Variants in CDK14 observed in about 807,000 individuals in gnomAD.
CDK14 encodes cyclin dependent kinase 14, also known as cyclin-dependent kinase 14.
A neutral mutation model predicts 60.7 loss-of-function variants in CDK14; 34 were observed. The observed-to-expected ratio is 0.56, with a 90% confidence interval of 0.43 to 0.75. The LOEUF is 0.75. Among genes scored for constraint, CDK14 ranks in the 30% least tolerant of loss-of-function variants. The pLI, the probability that CDK14 is intolerant of heterozygous loss-of-function variation, is 0.00. For synonymous variants in CDK14, 197 were observed against 203.7 expected (o/e 0.97, Z 0.28); for missense variants, 482 against 564.1 (o/e 0.85, Z 1.47).
chr7:90,781,259 G>C (rs572529814), intron 4 of CDK14, among the ~76,000 whole-genome samples: 5 of 152,136 alleles, frequency 3.3e-5, no homozygotes, highest in Admixed American at 3.3e-4. Flanking sequence ...TTTTTGATGG[G>C]GTTGTTCGTT....
At chr7:90,759,054 TAAA>T (rs66582106) in intron 4 of CDK14, among the ~76,000 whole-genome samples, 1 of 134,718 alleles carries the variant, frequency 7.4e-6, no homozygotes, top group African/African-American at 2.8e-5. Flanking sequence ...AGACTCTGTC[TAAA>T]AAAAAAAAAA....
intron 5 of CDK14, among the ~76,000 whole-genome samples, chr7:90,795,447 T>G (rs1788383081): frequency 1.3e-5 from 2 of 150,596 alleles, no homozygotes; most frequent in South Asian, 4.1e-4. Flanking sequence ...TTGTATTAGT[T>G]ACATATAGAT....
chr7:90,790,626 G>A lies in CDK14; in HGVS notation c.518G>A (p.Gly173Glu). 3 of 1,612,264 alleles carry A rather than the reference G, an allele frequency of 1.9e-6. No homozygotes were observed. Among genetic ancestry groups the A allele is most frequent in the Non-Finnish European group, 2.5e-6 (3 of 1,178,838 alleles). The change falls in exon 5 of 15, where the codon GGG becomes GAG. Residue 173 changes from glycine to glutamate, a missense_variant. Transcript: ENST00000380050. ...LKVIRLQEEE[G>E]TPFTAIREAS... ...GTGATCAGGCTGCAGGAAGAAGAAG[G>A]GACACCTTTCACAGCTATCAGGGAA...
intron 3 of CDK14, among the ~76,000 whole-genome samples, chr7:90,736,847 C>A (rs1408369066): frequency 2.0e-5 from 3 of 152,050 alleles, no homozygotes; most frequent in African/African-American, 7.2e-5. Context: ...ACATACAGGC[C>A]ATTATATATT....
chr7:90,742,105 T>C (rs1337215612), intron 3 of CDK14, among the ~76,000 whole-genome samples: 1 of 152,082 alleles, frequency 6.6e-6, no homozygotes, highest in East Asian at 1.9e-4. Flanking sequence ...TTTTGTTTAA[T>C]TAGTTAGTTA....
At chr7:90,704,459 G>GT (rs1347571636) in intron 2 of CDK14, among the ~76,000 whole-genome samples, 2 of 152,150 alleles carry the variant, frequency 1.3e-5, no homozygotes, top group Admixed American at 6.6e-5. Flanking sequence ...ATGTATGTGT[G>GT]TTTATTAGAA....
intron 8 of CDK14, among the ~76,000 whole-genome samples, chr7:90,953,277 A>G (rs1014741729): frequency 3.9e-5 from 6 of 152,114 alleles, no homozygotes; most frequent in Non-Finnish European, 8.8e-5. Flanking sequence ...AACATTCTTC[A>G]CTCTGACACA....
intron 1 of CDK14, among the ~76,000 whole-genome samples, chr7:90,598,175 A>G (rs1177752116): frequency 6.6e-6 from 1 of 152,232 alleles, no homozygotes; most frequent in Non-Finnish European, 1.5e-5. Context: ...AATGCTAATG[A>G]TTCTGCTGGA....
At position 91,100,522 on chromosome 7, in the gene CDK14, CTA is replaced by C. The variant is rs531867306; in HGVS notation, c.1155-12018_1155-12017del. On this transcript the variant is annotated intron_variant, in intron 12 of 14. Transcript: ENST00000380050. The stretch of plus-strand genomic sequence containing the variant: ...ATATAACAAATTCATATATATTAGT[CTA>C]TGAATATTTTATGATAATGTCTGTA... 3.8e-3 allele frequency among the ~76,000 whole-genome samples: 585 copies of C among 152,168 alleles called. 2 individuals carry two copies. The highest frequency in any genetic ancestry group is 5.6e-3 in the Non-Finnish European group (382 of 67,990).
At chr7:90,635,912 C>T (rs1233988513) in intron 2 of CDK14, among the ~76,000 whole-genome samples, 3 of 151,896 alleles carry the variant, frequency 2.0e-5, no homozygotes, top group Non-Finnish European at 4.4e-5. Flanking sequence ...AATGGGAGTT[C>T]ACTCATGATT....
chr7:90,658,970 G>A (rs1331993461), intron 2 of CDK14, among the ~76,000 whole-genome samples: 6 of 152,104 alleles, frequency 3.9e-5, no homozygotes, highest in Non-Finnish European at 8.8e-5. Flanking sequence ...TATAGATTCA[G>A]GATGATAATA....
At chr7:90,731,648 T>C (rs937877127) in intron 3 of CDK14, among the ~76,000 whole-genome samples, 1 of 152,212 alleles carries the variant, frequency 6.6e-6, no homozygotes, top group Non-Finnish European at 1.5e-5. Context: ...GTTTGTCTGT[T>C]ATTGGTGTAT....
intron 6 of CDK14, among the ~76,000 whole-genome samples, chr7:90,886,194 C>G (rs1452790317): frequency 6.6e-6 from 1 of 152,002 alleles, no homozygotes; most frequent in Non-Finnish European, 1.5e-5. Context: ...TGCTTAACAC[C>G]AGCTTTTTTG....
At chr7:91,151,520 C>T (rs1333410716) in intron 14 of CDK14, among the ~76,000 whole-genome samples, 3 of 152,148 alleles carry the variant, frequency 2.0e-5, no homozygotes, top group Non-Finnish European at 4.4e-5. Flanking sequence ...TCATTTAAAA[C>T]CATACCTTTT....
chr7:91,016,772 T>A (rs1796312963), intron 10 of CDK14, among the ~76,000 whole-genome samples: 1 of 152,244 alleles, frequency 6.6e-6, no homozygotes. Flanking sequence ...GAACCTAGAT[T>A]CTATTAGAGG....
intron 14 of CDK14, among the ~76,000 whole-genome samples, chr7:91,195,831 G>A (rs1160665419): frequency 6.6e-6 from 1 of 152,110 alleles, no homozygotes; most frequent in East Asian, 1.9e-4. Flanking sequence ...GCATATAGAA[G>A]AAAGCCCAGA....
chr7:91,145,829 T>G (rs1213518911), intron 14 of CDK14, among the ~76,000 whole-genome samples: 1 of 152,202 alleles, frequency 6.6e-6, no homozygotes, highest in Non-Finnish European at 1.5e-5. Flanking sequence ...TGCTTTCCCT[T>G]GAAGAGCTAC....
chr7:91,175,571 G>A (rs892217167), intron 14 of CDK14, among the ~76,000 whole-genome samples: 41 of 151,946 alleles, frequency 2.7e-4, no homozygotes, highest in Admixed American at 6.6e-4. Flanking sequence ...CCCATCTCAC[G>A]TGCAGAGACA....
chr7:90,672,496 T>G (rs1389106106), intron 2 of CDK14, among the ~76,000 whole-genome samples: 7 of 137,708 alleles, frequency 5.1e-5, no homozygotes, highest in South Asian at 2.3e-4. Context: ...CAGTGCTTCT[T>G]CTTCTGTTTT....
Sources: gnomAD v4.1 joint callset for allele counts (sites outside exome capture counted in the v4.1 genomes callset) on GRCh38, gnomAD v4.1.1 for gene constraint, MANE v1.5 for transcripts, NCBI Gene and HGNC (gene_info 2026-07-23, HGNC 2026-07-21) for gene names.